MYO16: variants seen among roughly 807,000 people sequenced by gnomAD.
The protein encoded by MYO16 is myosin XVI, also known as unconventional myosin-XVI.
Under a neutral mutation model 205.3 loss-of-function variants are expected in MYO16, and 94 were observed. The ratio of observed to expected loss-of-function variants is 0.46; its 90% CI spans 0.39 to 0.54. The LOEUF (loss-of-function observed/expected upper bound fraction) is 0.54. Among genes scored for constraint, MYO16 ranks in the 20% least tolerant of loss-of-function variants. MYO16 has a pLI of 0.00. For synonymous variants in MYO16, 988 were observed against 954.0 expected (o/e 1.04, Z -0.66); for missense variants, 2,315 against 2,387.5 (o/e 0.97, Z 0.63).
At chr13:108,881,312 G>C (rs1376343234) in intron 12 of MYO16, among the ~76,000 whole-genome samples, 1 of 152,138 alleles carries the variant, frequency 6.6e-6, no homozygotes, top group African/African-American at 2.4e-5. Flanking sequence ...ATGACCAAAG[G>C]TAGATAAAAC....
intron 6 of MYO16, among the ~76,000 whole-genome samples, chr13:108,797,343 T>G (rs182846614): frequency 3.3e-5 from 5 of 152,204 alleles, no homozygotes; most frequent in Admixed American, 2.6e-4. Flanking sequence ...ATATATGTGA[T>G]GTTGAAAGCT....
At chr13:108,699,110 A>ATG (rs752914351) in intron 2 of MYO16, among the ~76,000 whole-genome samples, 3 of 130,424 alleles carry the variant, frequency 2.3e-5, no homozygotes, top group African/African-American at 8.5e-5. Context: ...ATATATATAT[A>ATG]TGTGTGTGTG....
chr13:108,956,426 A>G (rs1883350148), intron 16 of MYO16, among the ~76,000 whole-genome samples: 2 of 152,042 alleles, frequency 1.3e-5, no homozygotes, highest in Admixed American at 6.5e-5. Flanking sequence ...GCCCTGGGCT[A>G]CCAGGATATT....
the MYO16 span, among the ~76,000 whole-genome samples, chr13:108,579,463 T>C: frequency 2.8e-5 from 4 of 140,982 alleles, no homozygotes; most frequent in African/African-American, 1.0e-4. Context: ...TTTTTTGAGA[T>C]GGAGTCTCAC....
chr13:109,179,702 C>A, intron 34 of MYO16, 69 bp downstream of exon 34: 1 of 1,269,596 alleles, frequency 7.9e-7, no homozygotes, highest in Admixed American at 1.7e-5. Flanking sequence ...CATTCATTAA[C>A]TTGTTACCAA....
intron 1 of MYO16, among the ~76,000 whole-genome samples, chr13:108,611,972 C>CTT (rs201871787): frequency 1.9e-3 from 169 of 89,760 alleles, no homozygotes; most frequent in African/African-American, 2.7e-3. Flanking sequence ...TTTTTTTTTT[C>CTT]TTTTTTTTTT....
chr13:108,843,453 C>A (rs1277848284), intron 9 of MYO16, among the ~76,000 whole-genome samples: 4 of 151,920 alleles, frequency 2.6e-5, no homozygotes, highest in Admixed American at 6.6e-5. Context: ...AACTAAACAA[C>A]AAAGGGTGAA....
chr13:109,096,756 C>T (rs1888790254), intron 27 of MYO16, among the ~76,000 whole-genome samples: 1 of 151,892 alleles, frequency 6.6e-6, no homozygotes. Context: ...TGGGCGAGCT[C>T]ACACACTTTG....
intron 1 of MYO16, among the ~76,000 whole-genome samples, chr13:108,642,742 C>T (rs1345109737): frequency 6.6e-6 from 1 of 152,024 alleles, no homozygotes; most frequent in African/African-American, 2.4e-5. Context: ...TTATCTGACC[C>T]CTCTGATTTA....
chr13:108,818,246 C>T (rs887421396), intron 7 of MYO16, among the ~76,000 whole-genome samples: 2 of 151,196 alleles, frequency 1.3e-5, no homozygotes, highest in African/African-American at 2.4e-5. Flanking sequence ...TATCTAGGTG[C>T]GGTGGTGCAT....
intron 32 of MYO16, among the ~76,000 whole-genome samples, chr13:109,159,366 A>G (rs1033641191): frequency 7.9e-5 from 12 of 152,230 alleles, no homozygotes; most frequent in African/African-American, 2.9e-4. Context: ...GCTTTACTGT[A>G]CTTATTTGCA....
chr13:109,098,761 TG>T (rs1396925029), intron 27 of MYO16, among the ~76,000 whole-genome samples: 1 of 152,196 alleles, frequency 6.6e-6, no homozygotes, highest in Non-Finnish European at 1.5e-5. Context: ...GCTTTGGAGC[TG>T]CTTCTTGGTC....
chr13:108,734,246 T>TA (rs1163941577), intron 4 of MYO16, among the ~76,000 whole-genome samples: 1 of 151,912 alleles, frequency 6.6e-6, no homozygotes, highest in African/African-American at 2.4e-5. Context: ...TTTGATGCAA[T>TA]AAAACAAAGG....
intron 4 of MYO16, among the ~76,000 whole-genome samples, chr13:108,774,418 C>G (rs546955213): frequency 6.6e-6 from 1 of 152,310 alleles, no homozygotes; most frequent in East Asian, 1.9e-4. Context: ...AATAATTAGA[C>G]AAGAAATTTG....
chr13:108,702,029 T>G (rs748962435), intron 2 of MYO16, among the ~76,000 whole-genome samples: 3 of 146,894 alleles, frequency 2.0e-5, no homozygotes, highest in Non-Finnish European at 3.0e-5. Context: ...AAAAAAAAAA[T>G]GAAGAAAAAT....
intron 31 of MYO16, among the ~76,000 whole-genome samples, chr13:109,133,934 C>G (rs977706580): frequency 6.6e-6 from 1 of 152,088 alleles, no homozygotes; most frequent in Non-Finnish European, 1.5e-5. Flanking sequence ...GTTCTGACCC[C>G]CAGAGGTTCC....
chr13:109,019,398 T>C (rs897611835), intron 22 of MYO16, among the ~76,000 whole-genome samples: 3 of 152,222 alleles, frequency 2.0e-5, no homozygotes, highest in African/African-American at 7.2e-5. Flanking sequence ...ATAATTTTCC[T>C]GTAGTCTGAA....
intron 1 of MYO16, among the ~76,000 whole-genome samples, chr13:108,616,423 A>G (rs1397797973): frequency 1.3e-5 from 2 of 152,122 alleles, no homozygotes; most frequent in Non-Finnish European, 2.9e-5. Context: ...GCTTGAAATC[A>G]TCGAGAGAAC....
At chr13:109,078,889 G>C (rs1888197557) in intron 27 of MYO16, among the ~76,000 whole-genome samples, 1 of 152,158 alleles carries the variant, frequency 6.6e-6, no homozygotes, top group East Asian at 1.9e-4. Flanking sequence ...CTGCCCTGGG[G>C]ATGGTTCCCT....
Sources: gnomAD v4.1 joint callset for allele counts (sites outside exome capture counted in the v4.1 genomes callset) on GRCh38, gnomAD v4.1.1 for gene constraint, MANE v1.5 for transcripts, NCBI Gene and HGNC (gene_info 2026-07-23, HGNC 2026-07-21) for gene names.